The following SAMMSON variants were observed in gnomAD, a reference collection of about 807,000 sequenced individuals.
SAMMSON encodes the protein survival associated mitochondrial melanoma specific oncogenic non-coding RNA.
At chr3:70,135,047 T>A (rs2067500103) in intron 4 of SAMMSON, among the ~76,000 whole-genome samples, 1 of 152,194 alleles carries the variant, frequency 6.6e-6, no homozygotes, top group African/African-American at 2.4e-5. Context: ...CATTTTGAAA[T>A]CATTGATCTT....
intron 4 of SAMMSON, among the ~76,000 whole-genome samples, chr3:70,121,275 C>T (rs1559518419): frequency 1.3e-5 from 2 of 152,276 alleles, no homozygotes; most frequent in African/African-American, 4.8e-5. Context: ...TCCTAACAGG[C>T]CACAGATCAG....
At chr3:70,361,467 A>C (rs1375464120) in intron 9 of SAMMSON, among the ~76,000 whole-genome samples, 1 of 152,166 alleles carries the variant, frequency 6.6e-6, no homozygotes, top group Non-Finnish European at 1.5e-5. Context: ...CCAGAAACCT[A>C]TTCTGGGGAA....
intron 3 of SAMMSON, among the ~76,000 whole-genome samples, chr3:70,045,006 AT>A (rs2067118978): frequency 8.1e-6 from 1 of 122,912 alleles, no homozygotes; most frequent in South Asian, 2.4e-4. Context: ...ATAATTAATT[AT>A]ATATATATAA....
chr3:70,288,091 C>T (rs1231890235), intron 6 of SAMMSON, among the ~76,000 whole-genome samples: 1 of 147,868 alleles, frequency 6.8e-6, no homozygotes, highest in Non-Finnish European at 1.5e-5. Context: ...TAGTTCTTGC[C>T]TTCTGCTAGC....
chr3:70,285,035 T>C, intron 6 of SAMMSON, among the ~76,000 whole-genome samples: 1 of 150,892 alleles, frequency 6.6e-6, no homozygotes, highest in East Asian at 1.9e-4. Flanking sequence ...TTTTATTTTT[T>C]ACTTATTTTT....
intron 4 of SAMMSON, among the ~76,000 whole-genome samples, chr3:70,115,210 C>A (rs77966174): frequency 6.0e-3 from 698 of 116,934 alleles, no homozygotes; most frequent in South Asian, 7.3e-3. Context: ...CTCTATTTTC[C>A]AAAAAAAAAA....
chr3:70,105,675 G>A (rs2067364389), intron 4 of SAMMSON, among the ~76,000 whole-genome samples: 2 of 152,172 alleles, frequency 1.3e-5, no homozygotes, highest in Non-Finnish European at 1.5e-5. Context: ...CAACTTGCAA[G>A]TGCACAAAAT....
intron 4 of SAMMSON, among the ~76,000 whole-genome samples, chr3:70,155,483 G>T (rs1376305449): frequency 6.6e-6 from 1 of 152,028 alleles, no homozygotes; most frequent in Non-Finnish European, 1.5e-5. Context: ...TTCTCAAACA[G>T]TACCTGTCTG....
chr3:70,426,487 T>C (rs893905671), intron 2 of SAMMSON, among the ~76,000 whole-genome samples: 2 of 152,170 alleles, frequency 1.3e-5, no homozygotes, highest in Non-Finnish European at 2.9e-5. Flanking sequence ...GGGTTGAGGA[T>C]TCTGCAGCAC....
intron 4 of SAMMSON, among the ~76,000 whole-genome samples, chr3:70,100,617 T>A (rs77556095): frequency 1.3e-5 from 2 of 152,130 alleles, no homozygotes; most frequent in East Asian, 3.9e-4. Context: ...CTTTTCCAAA[T>A]GGAACTCATC....
rs556292722 is a variant in SAMMSON, at chr3:70,033,437, G to C, written n.417+19765G>C. On this transcript the variant is annotated intron_variant and non_coding_transcript_variant, in intron 3 of 9. Coordinates refer to ENST00000642114, the Ensembl canonical transcript of SAMMSON. ...TGCCATAACATCACCAAGAACCATGGGGTGTTTCTTGGTGGCAGTAAAGAT... is the reference window on the plus strand; with the variant it reads ...TGCCATAACATCACCAAGAACCATGCGGTGTTTCTTGGTGGCAGTAAAGAT... 9.9e-5 allele frequency among the ~76,000 whole-genome samples: 15 copies of C among 152,244 alleles called. 2 individuals are homozygous for C. The South Asian group carries it at 2.1e-3, about 21-fold the overall frequency.
At chr3:70,342,544 A>T (rs1024754071) in intron 7 of SAMMSON, among the ~76,000 whole-genome samples, 11 of 152,174 alleles carry the variant, frequency 7.2e-5, no homozygotes, top group Admixed American at 5.9e-4. Flanking sequence ...GAAGAACTCA[A>T]TTGCCACTTT....
intron 6 of SAMMSON, among the ~76,000 whole-genome samples, chr3:70,282,268 A>T (rs11928464): frequency 6.6e-6 from 1 of 152,180 alleles, no homozygotes; most frequent in African/African-American, 2.4e-5. Flanking sequence ...TAGAAGGAAC[A>T]CCTGGTGTTT....
chr3:70,393,817 G>A (rs1028807893), downstream of SAMMSON, among the ~76,000 whole-genome samples: 3 of 152,136 alleles, frequency 2.0e-5, no homozygotes, highest in Non-Finnish European at 4.4e-5. Context: ...CAGACAGGTG[G>A]TCTGGGGCTG....
chr3:70,035,351 T>TCTA (rs145663774), intron 3 of SAMMSON, among the ~76,000 whole-genome samples: 7,047 of 152,224 alleles, frequency 0.046, 366 homozygotes, highest in African/African-American at 0.13. Flanking sequence ...GAGAAAACAC[T>TCTA]CTTTTATAAG....
At chr3:70,269,442 C>T (rs1425022877) in intron 6 of SAMMSON, among the ~76,000 whole-genome samples, 1 of 152,150 alleles carries the variant, frequency 6.6e-6, no homozygotes, top group Non-Finnish European at 1.5e-5. Flanking sequence ...CTGTTCTAAC[C>T]ATGTTCAAGT....
At chr3:70,338,725 C>G (rs1022832289) in intron 7 of SAMMSON, among the ~76,000 whole-genome samples, 1 of 152,062 alleles carries the variant, frequency 6.6e-6, no homozygotes, top group Non-Finnish European at 1.5e-5. Context: ...AGGAGAACTA[C>G]AAACCACTGC....
At chr3:70,341,783 G>C (rs13065605) in intron 7 of SAMMSON, among the ~76,000 whole-genome samples, 93,873 of 151,514 alleles carry the variant, frequency 0.62, 29,452 homozygotes, top group Admixed American at 0.68. Flanking sequence ...GCATTATGCA[G>C]CAGCAAAGTA....
chr3:70,348,975 A>G (rs947780093), intron 7 of SAMMSON, among the ~76,000 whole-genome samples: 1 of 152,042 alleles, frequency 6.6e-6, no homozygotes, highest in Admixed American at 6.6e-5. Flanking sequence ...GCATCCACCC[A>G]TCACCAAACA....
Sources: gnomAD v4.1 joint callset for allele counts (sites outside exome capture counted in the v4.1 genomes callset) on GRCh38, gnomAD v4.1.1 for gene constraint, MANE v1.5 for transcripts, NCBI Gene and HGNC (gene_info 2026-07-23, HGNC 2026-07-21) for gene names.